The following RNLS variants were observed in gnomAD, a reference collection of about 807,000 sequenced individuals.
RNLS encodes the protein renalase.
A neutral mutation model predicts 39.8 loss-of-function variants in RNLS; 39 were observed. That is an observed-to-expected ratio of 0.98 (90% CI 0.76 to 1.28). The LOEUF (loss-of-function observed/expected upper bound fraction) is 1.28, where lower values mean the gene tolerates loss of function less well. Among genes scored for constraint, RNLS ranks in the 50% most tolerant of loss-of-function variants. The pLI is 0.00. For missense variants in RNLS, 410 were observed against 413.3 expected, an observed-to-expected ratio of 0.99 and a Z score of 0.07; for synonymous variants, 147 against 150.7, an observed-to-expected ratio of 0.98 and a Z score of 0.18.
At chr10:88,265,323 CTTTTTT>C in the RNLS span, among the ~76,000 whole-genome samples, 5,179 of 59,692 alleles carry the variant, frequency 0.087, 92 homozygotes, top group African/African-American at 0.15. Context: ...CAGGGTTTTT[CTTTTTT>C]TTTTTTTTTT....
intron 6 of RNLS, among the ~76,000 whole-genome samples, chr10:88,291,414 G>C (rs1843666127): frequency 6.6e-6 from 1 of 152,182 alleles, no homozygotes; most frequent in African/African-American, 2.4e-5. Flanking sequence ...AACCAAGTCT[G>C]GTTGTCTTCC....
At chr10:88,352,878 G>T (rs1589625252) in intron 5 of RNLS, among the ~76,000 whole-genome samples, 1 of 152,130 alleles carries the variant, frequency 6.6e-6, no homozygotes. Context: ...CAATTTCAGA[G>T]CCTGTTATTG....
chr10:88,509,342 T>C (rs1352760316), intron 4 of RNLS, among the ~76,000 whole-genome samples: 1 of 152,086 alleles, frequency 6.6e-6, no homozygotes, highest in African/African-American at 2.4e-5. Flanking sequence ...ATGTATCTTG[T>C]TCCCCATTGC....
At chr10:88,315,289 G>C (rs1029384906) in intron 5 of RNLS, among the ~76,000 whole-genome samples, 3 of 152,006 alleles carry the variant, frequency 2.0e-5, no homozygotes, top group Non-Finnish European at 2.9e-5. Flanking sequence ...TTTTTTTGCT[G>C]TCTGTTCGTA....
intron 4 of RNLS, among the ~76,000 whole-genome samples, chr10:88,510,622 A>G (rs2134151847): frequency 6.6e-6 from 1 of 152,158 alleles, no homozygotes; most frequent in African/African-American, 2.4e-5. Context: ...AGGCGGGCGG[A>G]TCACAAGTTC....
At chr10:88,212,687 A>G in the RNLS span, among the ~76,000 whole-genome samples, 1 of 152,206 alleles carries the variant, frequency 6.6e-6, no homozygotes, top group Non-Finnish European at 1.5e-5. Flanking sequence ...TGAATGTACT[A>G]GAAATGTTTT....
intron 6 of RNLS, among the ~76,000 whole-genome samples, chr10:88,300,920 C>T (rs1383950254): frequency 6.6e-6 from 1 of 152,106 alleles, no homozygotes; most frequent in East Asian, 1.9e-4. Context: ...GAAATAGGGC[C>T]TATTTCTTGC....
chr10:88,309,774 CAA>C lies in RNLS; in HGVS notation c.876+4690_876+4691del, dbSNP rs143400596. 1.2e-3 allele frequency among the ~76,000 whole-genome samples: 180 copies of C among 152,174 alleles called. 1 individual carries two copies. The East Asian group carries it at 0.025, about 21-fold the overall frequency. On this transcript the variant is annotated intron_variant, in intron 6 of 6. Transcript: ENST00000331772. ...AAGTTTCTGTGGGTTATTAAGAGAG[CAA>C]AGAGAGGATTCGAGGGAGTTTTCGT...
At chr10:88,561,293 T>A (rs928435007) in intron 4 of RNLS, among the ~76,000 whole-genome samples, 11 of 152,098 alleles carry the variant, frequency 7.2e-5, no homozygotes, top group African/African-American at 2.7e-4. Context: ...TTCAGACTCC[T>A]TAAAAATGAC....
At chr10:88,243,631 T>C in the RNLS span, among the ~76,000 whole-genome samples, 3 of 152,348 alleles carry the variant, frequency 2.0e-5, no homozygotes, top group African/African-American at 7.2e-5. Context: ...AATATCTTTA[T>C]CCCTCTATGA....
intron 4 of RNLS, among the ~76,000 whole-genome samples, chr10:88,571,785 G>A (rs550073301): frequency 6.6e-6 from 1 of 152,192 alleles, no homozygotes; most frequent in East Asian, 1.9e-4. Context: ...TTACTTCCCT[G>A]TTCACCTCTG....
chr10:88,424,860 A>G (rs1164722096), intron 4 of RNLS, among the ~76,000 whole-genome samples: 2 of 152,136 alleles, frequency 1.3e-5, no homozygotes, highest in Admixed American at 1.3e-4. Flanking sequence ...TTGGCACAAG[A>G]TCTTTGTGCT....
chr10:88,305,467 G>C (rs1346509098), intron 6 of RNLS, among the ~76,000 whole-genome samples: 3 of 152,174 alleles, frequency 2.0e-5, no homozygotes, highest in South Asian at 4.1e-4. Flanking sequence ...ATGCAATGAT[G>C]CATATAGGCT....
chr10:88,365,369 G>A (rs1391983256), intron 4 of RNLS, among the ~76,000 whole-genome samples: 1 of 77,074 alleles, frequency 1.3e-5, no homozygotes, highest in African/African-American at 6.6e-5. Flanking sequence ...ACATATTTTG[G>A]CAAGCAAAAC....
chr10:88,581,294 G>GTATATATATATATATATATATATATA (rs61477690), intron 3 of RNLS, among the ~76,000 whole-genome samples: 8 of 129,864 alleles, frequency 6.2e-5, no homozygotes, highest in South Asian at 2.4e-4. Context: ...GTGTGTGTGT[G>GTATATATATATATATATATATATATA]TATATATATA....
In RNLS at chr10:88,284,748, A is replaced by G. The variant is rs1281899351; in HGVS notation, c.*606T>C. 1.0e-6 allele frequency: 1 copy of G among 985,248 alleles called. No individual in the cohort carries two copies. The highest frequency in any genetic ancestry group is 1.1e-4 in the East Asian group (1 of 8,828). The allele number at this position is 985,248 out of a possible 1,614,324, so 61.0% of individuals were successfully genotyped here. ...CTGGGAAAATCATGTGGAATCTTATACTTTCTGAAAATCTGAAGGAAGGTC... is the reference window on the plus strand; with the variant it reads ...CTGGGAAAATCATGTGGAATCTTATGCTTTCTGAAAATCTGAAGGAAGGTC... On this transcript the variant is annotated 3_prime_UTR_variant, in exon 7 of 7. Transcript: ENST00000331772.
intron 4 of RNLS, among the ~76,000 whole-genome samples, chr10:88,553,866 T>C (rs1340970209): frequency 6.6e-6 from 1 of 152,150 alleles, no homozygotes; most frequent in Non-Finnish European, 1.5e-5. Context: ...GTAGAAATCA[T>C]GCTTTATTCA....
chr10:88,524,546 T>A (rs1362519402), intron 4 of RNLS, among the ~76,000 whole-genome samples: 2 of 152,140 alleles, frequency 1.3e-5, no homozygotes, highest in African/African-American at 4.8e-5. Context: ...CAGGCAATTG[T>A]AAAATAATCC....
chr10:88,391,330 C>G (rs945291097), intron 4 of RNLS, among the ~76,000 whole-genome samples: 3 of 152,082 alleles, frequency 2.0e-5, no homozygotes, highest in Non-Finnish European at 2.9e-5. Context: ...AGTTCCGAGG[C>G]CGGTGGATCA....
Sources: gnomAD v4.1 joint callset for allele counts (sites outside exome capture counted in the v4.1 genomes callset) on GRCh38, gnomAD v4.1.1 for gene constraint, MANE v1.5 for transcripts, NCBI Gene and HGNC (gene_info 2026-07-23, HGNC 2026-07-21) for gene names.